The following DRC1 variants were observed in gnomAD, a reference collection of about 807,000 sequenced individuals.
The protein encoded by DRC1 is dynein regulatory complex subunit 1, also known as dynein regulatory complex protein 1.
DRC1 carries 74 observed loss-of-function variants against 98.7 expected under a neutral mutation model. The ratio of observed to expected loss-of-function variants is 0.75; its 90% CI spans 0.62 to 0.91. The LOEUF (loss-of-function observed/expected upper bound fraction) is 0.91. Ranked by LOEUF, DRC1 falls within the 40% of genes least tolerant of loss-of-function variation. DRC1 has a pLI of 0.00. For missense variants in DRC1, 875 were observed against 886.0 expected (o/e 0.99, Z 0.16); for synonymous variants, 336 against 334.1 (o/e 1.01, Z -0.06).
At chr2:26,431,401 T>C (rs1663434631) in intron 6 of DRC1, among the ~76,000 whole-genome samples, 1 of 152,166 alleles carries the variant, frequency 6.6e-6, no homozygotes, top group Non-Finnish European at 1.5e-5. Flanking sequence ...GTGTTTTCCG[T>C]GGGCCCGTCA....
chr2:26,413,009 C>T (rs370858339), intron 1 of DRC1, among the ~76,000 whole-genome samples: 2 of 152,202 alleles, frequency 1.3e-5, no homozygotes, highest in East Asian at 1.9e-4. Context: ...GTCTCGATCT[C>T]CTGACCTCGC....
intron 4 of DRC1, among the ~76,000 whole-genome samples, chr2:26,425,598 T>C (rs1663261983): frequency 6.6e-6 from 1 of 152,258 alleles, no homozygotes. Context: ...TCCTGTTTTT[T>C]TGATAGCTTC....
At chr2:26,425,836 T>A (rs1279474656) in intron 4 of DRC1, among the ~76,000 whole-genome samples, 1 of 152,194 alleles carries the variant, frequency 6.6e-6, no homozygotes, top group Admixed American at 6.5e-5. Context: ...TGATTTTCAA[T>A]TATGATTTCC....
intron 7 of DRC1, among the ~76,000 whole-genome samples, chr2:26,437,467 G>T (rs182612372): frequency 6.6e-6 from 1 of 152,372 alleles, no homozygotes; most frequent in South Asian, 2.1e-4. Context: ...ACTTGGAGCT[G>T]CAGGGTCTGC....
At chr2:26,419,177 C>A (rs906593634) in intron 2 of DRC1, among the ~76,000 whole-genome samples, 1 of 152,040 alleles carries the variant, frequency 6.6e-6, no homozygotes, top group Admixed American at 6.6e-5. Flanking sequence ...GTGTGAGCCA[C>A]CATGCCCGGC....
At position 26,456,396 on chromosome 2, in the gene DRC1, C is replaced by T. The variant is rs563065516; in HGVS notation, c.2167-65C>T. The T allele has an allele frequency of 3.6e-5, 57 of 1,604,334 alleles. No homozygotes were observed. The African/African-American group carries it at 5.1e-4, about 14-fold the overall frequency. ...GGCCCATGGGAGAGCCAGCGTGGCT[C>T]GCAAGGGTGGCAAAGAAGGAGGGCC... is the stretch of plus-strand genomic sequence containing the variant. On this transcript the variant is annotated intron_variant, in intron 16 of 16. Transcript: ENST00000288710.
At chr2:26,415,659 C>T (rs1437619346) in intron 2 of DRC1, among the ~76,000 whole-genome samples, 9 of 152,154 alleles carry the variant, frequency 5.9e-5, no homozygotes, top group Admixed American at 2.0e-4. Context: ...CAGCCGGGCG[C>T]GGTGGCTCAC....
intron 2 of DRC1, among the ~76,000 whole-genome samples, chr2:26,417,513 G>A (rs530986999): frequency 4.6e-5 from 7 of 152,148 alleles, no homozygotes; most frequent in African/African-American, 1.7e-4. Flanking sequence ...ATTCTTACCG[G>A]AGACGGGATT....
At position 26,456,521 on chromosome 2, in the gene DRC1, G is replaced by C. The variant is rs774191471; in HGVS notation, c.*4G>C. On this transcript the variant is annotated 3_prime_UTR_variant, in exon 17 of 17. Transcript: ENST00000288710. ...GTTGCGGGTACCCACAAAATGAGCT[G>C]GACCGCCAAAGGCTGATGTGTTAGG... The C allele has an allele frequency of 3.7e-6, 6 of 1,614,148 alleles. No homozygotes were observed. The highest frequency in any genetic ancestry group is 5.1e-6 in the Non-Finnish European group (6 of 1,179,990).
intron 2 of DRC1, 61 bp from the exon 3 acceptor site, chr2:26,421,225 CAG>C: frequency 6.7e-7 from 1 of 1,490,076 alleles, no homozygotes; most frequent in South Asian, 1.2e-5. Context: ...AAAAATGTTT[CAG>C]ACTTTATATA....
At position 26,426,205 on chromosome 2, in the gene DRC1, G is replaced by A. The variant is rs1663279295; in HGVS notation, c.540+1751G>A. 2.0e-5 allele frequency among the ~76,000 whole-genome samples: 3 copies of A among 152,174 alleles called. No homozygotes were observed. The South Asian group carries it at 6.2e-4, about 32-fold the overall frequency. ...AAGTCATTTGACCATAGATGCAGGGGTTTATGTATCATTCATTTATCATTT... is the reference window on the plus strand; with the variant it reads ...AAGTCATTTGACCATAGATGCAGGGATTTATGTATCATTCATTTATCATTT... On this transcript the variant is annotated intron_variant, in intron 4 of 16. Coordinates refer to ENST00000288710, the MANE Select transcript of DRC1 (RefSeq NM_145038.5).
At chr2:26,424,202 A>T in intron 3 of DRC1, 69 bp from the exon 4 acceptor site, 1 of 1,576,354 alleles carries the variant, frequency 6.3e-7, no homozygotes, top group Non-Finnish European at 8.7e-7. Context: ...ATTCTAGAGA[A>T]CGTACCTGCT....
chr2:26,414,281 C>T (rs965129827), intron 1 of DRC1, 63 bp from the exon 2 acceptor site: 4 of 1,574,450 alleles, frequency 2.5e-6, no homozygotes, highest in East Asian at 4.5e-5. Flanking sequence ...CAGGCCAAAA[C>T]CTTTAAATAT....
At chr2:26,445,200 C>A (rs1045165646) in intron 10 of DRC1, among the ~76,000 whole-genome samples, 2 of 152,196 alleles carry the variant, frequency 1.3e-5, no homozygotes, top group Admixed American at 1.3e-4. Flanking sequence ...GTACCTCCAT[C>A]GGGATAAACT....
chr2:26,451,632 A>G (rs1191066229), intron 13 of DRC1, among the ~76,000 whole-genome samples: 2 of 150,136 alleles, frequency 1.3e-5, no homozygotes. Flanking sequence ...TTGAGGCTGC[A>G]GTGAGCCATG....
chr2:26,451,735 T>C (rs182598123), intron 13 of DRC1, among the ~76,000 whole-genome samples: 2 of 152,182 alleles, frequency 1.3e-5, no homozygotes, highest in East Asian at 3.9e-4. Flanking sequence ...CTGGCAGAAA[T>C]GGACAAAACC....
At position 26,456,624 on chromosome 2, in the gene DRC1, T is replaced by A; in HGVS notation, c.*107T>A. 7.5e-7 allele frequency: 1 copy of A among 1,338,728 alleles called. No homozygotes were observed. The highest frequency in any genetic ancestry group is 1.1e-6 in the Non-Finnish European group (1 of 945,800). 82.9% of individuals were successfully genotyped at this position (1,338,728 alleles called of 1,614,324 possible). On this transcript the variant is annotated 3_prime_UTR_variant, in exon 17 of 17. Transcript: ENST00000288710. Reference sequence around the variant, plus strand: ...CCGCACCTGGGCCTGCTCTCTGGATTTTCCAGGGCTGTCTTTATAGCCTGT... The same window carrying A: ...CCGCACCTGGGCCTGCTCTCTGGATATTCCAGGGCTGTCTTTATAGCCTGT...
intron 15 of DRC1, 53 bp from the exon 16 acceptor site, chr2:26,455,078 T>G (rs1407925334): frequency 2.5e-6 from 4 of 1,597,520 alleles, no homozygotes; most frequent in Non-Finnish European, 3.4e-6. Context: ...TGGCCCCTAC[T>G]TGGCAGAGGA....
intron 6 of DRC1, among the ~76,000 whole-genome samples, chr2:26,431,299 C>T (rs911723427): frequency 5.3e-5 from 8 of 152,154 alleles, no homozygotes; most frequent in Admixed American, 3.9e-4. Context: ...AATGCTACTG[C>T]GTTCATTACT....
Sources: gnomAD v4.1 joint callset for allele counts (sites outside exome capture counted in the v4.1 genomes callset) on GRCh38, gnomAD v4.1.1 for gene constraint, MANE v1.5 for transcripts, NCBI Gene and HGNC (gene_info 2026-07-23, HGNC 2026-07-21) for gene names.